Variants in EPHA10 observed in about 807,000 individuals in gnomAD.
EPHA10 encodes the protein ephrin type-A receptor 10.
Under a neutral mutation model 109.7 loss-of-function variants are expected in EPHA10, and 120 were observed. That is an observed-to-expected ratio of 1.09 (90% CI 0.94 to 1.27). EPHA10 has a LOEUF of 1.27. Among genes scored for constraint, EPHA10 ranks in the 50% most tolerant of loss-of-function variants. The pLI is 0.00. For synonymous variants in EPHA10, 640 were observed against 618.9 expected (o/e 1.03, Z -0.51); for missense variants, 1,396 against 1,411.1 (o/e 0.99, Z 0.17).
chr1:37,722,486 A>C (rs1351077737), intron 10 of EPHA10, among the ~76,000 whole-genome samples: 1 of 152,138 alleles, frequency 6.6e-6, no homozygotes, highest in Admixed American at 6.5e-5. Flanking sequence ...TGAGCACAGG[A>C]GGCTGAGGAT....
downstream of EPHA10, chr1:37,715,740 G>T: frequency 2.7e-6 from 1 of 372,274 alleles, no homozygotes; most frequent in East Asian, 5.8e-5. Flanking sequence ...CCTGAGACTG[G>T]GTAACAGACT....
Position 37,723,084 on chromosome 1 carries a change from T to C in EPHA10, c.1917A>G (p.Glu639=), listed in dbSNP as rs754790851. The C allele has an allele frequency of 6.2e-7, 1 of 1,614,146 alleles. No homozygotes were observed. The highest frequency in any genetic ancestry group is 1.1e-5 in the South Asian group (1 of 91,088). Residue 639 remains glutamate, a synonymous_variant, in exon 10 of 17, where the codon GAA becomes GAG. Transcript: ENST00000373048. ...LLQAVHLFAK[E]LDAKSVTLER... is the part of the protein sequence containing the mutation. Reference sequence around the variant, plus strand: ...CCAGCGTGACGCTTTTCGCATCCAGTTCCTTGGCGAACAGATGCACAGCCT... The same window carrying C: ...CCAGCGTGACGCTTTTCGCATCCAGCTCCTTGGCGAACAGATGCACAGCCT...
chr1:37,719,716 G>A (rs559333164), intron 14 of EPHA10, 109 bp from the exon 15 acceptor site: 193 of 1,404,608 alleles, frequency 1.4e-4, no homozygotes, highest in Admixed American at 3.3e-4. Flanking sequence ...ACACACATGC[G>A]CACACACAGA....
At chr1:37,752,773 G>T in intron 5 of EPHA10, 103 bp downstream of exon 5, 1 of 681,518 alleles carries the variant, frequency 1.5e-6, no homozygotes, top group Non-Finnish European at 1.9e-6. Context: ...GGCTTCTCTG[G>T]GGTGGGTGGG....
intron 5 of EPHA10, among the ~76,000 whole-genome samples, chr1:37,747,193 G>A (rs1646253707): frequency 6.6e-6 from 1 of 152,178 alleles, no homozygotes; most frequent in African/African-American, 2.4e-5. Flanking sequence ...GCTATATTCA[G>A]AGGAAAACTC....
Position 37,719,620 on chromosome 1 carries a change from G to T in EPHA10, c.2563-13C>A. On this transcript the variant is annotated splice_polypyrimidine_tract_variant and intron_variant, in intron 14 of 16. Coordinates refer to ENST00000373048, the MANE Select transcript of EPHA10 (RefSeq NM_001099439.2). ...CAGCCTTGATCACCTGGGCCACAGG[G>T]GTGGGGAGCAGAGAGGAGGCTCTGG... is the stretch of plus-strand genomic sequence containing the variant. 6.2e-7 allele frequency: 1 copy of T among 1,612,416 alleles called. No individual in the cohort carries two copies. Among genetic ancestry groups the T allele is most frequent in the East Asian group, 2.2e-5 (1 of 44,856 alleles).
chr1:37,758,098 G>T (rs569517517), intron 3 of EPHA10, among the ~76,000 whole-genome samples: 5 of 152,220 alleles, frequency 3.3e-5, no homozygotes, highest in Non-Finnish European at 7.3e-5. Context: ...GCCCATTTTG[G>T]GTGCAGGCAA....
chr1:37,725,342 TA>T (rs1369439880), intron 8 of EPHA10, among the ~76,000 whole-genome samples: 1 of 151,578 alleles, frequency 6.6e-6, no homozygotes, highest in Non-Finnish European at 1.5e-5. Flanking sequence ...CCGTCTCTAC[TA>T]AAAATACAAA....
At chr1:37,736,401 G>A (rs145196316) in intron 5 of EPHA10, among the ~76,000 whole-genome samples, 69 of 149,642 alleles carry the variant, frequency 4.6e-4, no homozygotes, top group Admixed American at 1.2e-3. Context: ...AGTTGAACCC[G>A]GGAGGTGGAG....
Position 37,716,298 on chromosome 1 carries a change from G to T in EPHA10, c.*2074C>A. On this transcript the variant is annotated 3_prime_UTR_variant, in exon 17 of 17. Transcript: ENST00000373048. ...TGCCAACACAGCCAGGGGCCCTTCT[G>T]CAGAAACAGCTGGGGTAGGGGGAGG... 4.0e-6 allele frequency: 1 copy of T among 251,024 alleles called. No individual in the cohort carries two copies. 15.5% of individuals were successfully genotyped at this position (251,024 alleles called of 1,614,324 possible).
At chr1:37,730,982 G>A (rs553525543) in intron 7 of EPHA10, among the ~76,000 whole-genome samples, 2 of 152,254 alleles carry the variant, frequency 1.3e-5, no homozygotes, top group South Asian at 2.1e-4. Context: ...GTGAGCCATC[G>A]CGCCTGGCCG....
intron 3 of EPHA10, among the ~76,000 whole-genome samples, chr1:37,758,481 C>G (rs1646407690): frequency 6.6e-6 from 1 of 152,204 alleles, no homozygotes. Flanking sequence ...GCTGCAATTG[C>G]TCTCACCAAG....
chr1:37,716,376 C>CCATCCA lies in EPHA10; in HGVS notation c.*1990_*1995dup, dbSNP rs1645691750. 1 of 238,096 alleles carries CCATCCA rather than the reference C, an allele frequency of 4.2e-6. No individual in the cohort carries two copies. Among genetic ancestry groups the CCATCCA allele is most frequent in the African/African-American group, 2.2e-5 (1 of 45,334 alleles). 14.7% of individuals were successfully genotyped at this position (238,096 alleles called of 1,614,324 possible). A position where few individuals can be genotyped will look rare whatever the true frequency, so the allele number is the denominator to read the frequency against. On this transcript the variant is annotated 3_prime_UTR_variant, in exon 17 of 17. Coordinates refer to ENST00000373048, the MANE Select transcript of EPHA10 (RefSeq NM_001099439.2). ...TGTAGCTGGAGATGAGGACGAGGCT[C>CCATCCA]CATCCACCCAAGAAGGGATGCTGGT... is the stretch of plus-strand genomic sequence containing the variant.
chr1:37,721,891 G>A (rs193204728), intron 10 of EPHA10, 46 bp from the exon 11 acceptor site: 39 of 1,457,830 alleles, frequency 2.7e-5, no homozygotes, highest in Non-Finnish European at 2.7e-6. Flanking sequence ...CCACTGCCCT[G>A]GCTGAGCTGG....
At chr1:37,715,312 G>A (rs570791672), downstream of EPHA10, among the ~76,000 whole-genome samples, 1 of 152,118 alleles carries the variant, frequency 6.6e-6, no homozygotes, top group South Asian at 2.1e-4. Flanking sequence ...TTACAGGCAT[G>A]AGCCACCGAA....
At chr1:37,759,026 C>T (rs1025754167) in intron 3 of EPHA10, among the ~76,000 whole-genome samples, 2 of 152,334 alleles carry the variant, frequency 1.3e-5, no homozygotes, top group Non-Finnish European at 2.9e-5. Context: ...TGATCTCTGC[C>T]ACTACCTTAG....
Position 37,764,900 on chromosome 1 carries a change from A to C in EPHA10, c.106+61T>G, listed in dbSNP as rs529698327. The C allele has an allele frequency of 5.3e-5, 78 of 1,465,822 alleles. No individual in the cohort carries two copies. The African/African-American group carries it at 1.1e-3, about 20-fold the overall frequency. 90.8% of individuals were successfully genotyped at this position (1,465,822 alleles called of 1,614,324 possible). A position where few individuals can be genotyped will look rare whatever the true frequency, so the allele number is the denominator to read the frequency against. On this transcript the variant is annotated intron_variant, in intron 1 of 16. Coordinates refer to ENST00000373048, the MANE Select transcript of EPHA10 (RefSeq NM_001099439.2). The surrounding 1 kb of genome is among the most constrained non-coding windows in gnomAD (Gnocchi z 5.8). The stretch of plus-strand genomic sequence containing the variant: ...AATGACTCCTTCCCCCAGAACCCCC[A>C]TCGCCAGCCCCCTATCTTTTGGTAT...
intron 5 of EPHA10, among the ~76,000 whole-genome samples, chr1:37,736,129 C>A (rs577398329): frequency 6.6e-6 from 1 of 152,298 alleles, no homozygotes; most frequent in African/African-American, 2.4e-5. Context: ...AATTGTTAGG[C>A]CAGGCGTGGT....
At chr1:37,751,462 G>T (rs777969276) in intron 5 of EPHA10, among the ~76,000 whole-genome samples, 9 of 150,796 alleles carry the variant, frequency 6.0e-5, no homozygotes, top group Non-Finnish European at 1.2e-4. Flanking sequence ...CCAGCTACTC[G>T]GGAGGCTGAG....
Sources: gnomAD v4.1 joint callset for allele counts (sites outside exome capture counted in the v4.1 genomes callset) on GRCh38, gnomAD v4.1.1 for gene constraint, Gnocchi (gnomAD v3.1) non-coding constraint, MANE v1.5 for transcripts, NCBI Gene and HGNC (gene_info 2026-07-23, HGNC 2026-07-21) for gene names.